Variants in STAT2 observed in about 807,000 individuals in gnomAD.
STAT2 encodes the protein interferon alpha induced transcriptional activator.
Under a neutral mutation model 122.3 loss-of-function variants are expected in STAT2, and 51 were observed. The ratio of observed to expected loss-of-function variants is 0.42; its 90% confidence interval spans 0.33 to 0.53. STAT2 has a LOEUF of 0.53. Among genes scored for constraint, STAT2 ranks in the 20% least tolerant of loss-of-function variants. STAT2 has a pLI of 0.10. For missense variants in STAT2, 736 were observed against 1,010.3 expected, an observed-to-expected ratio of 0.73 and a Z score of 3.68; for synonymous variants, 351 against 394.9, an observed-to-expected ratio of 0.89 and a Z score of 1.32.
intron 15 of STAT2, 55 bp from the exon 16 acceptor site, chr12:56,349,316 T>C: frequency 6.2e-7 from 1 of 1,614,056 alleles, no homozygotes. Flanking sequence ...GCTGCAGGTA[T>C]TTGTTAGAGG....
In STAT2 at chr12:56,343,984, C is replaced by G; in HGVS notation, c.2254G>C (p.Glu752Gln). 1 of 1,614,212 alleles carries G rather than the reference C, an allele frequency of 6.2e-7. No homozygotes were observed. The highest frequency in any genetic ancestry group is 8.5e-7 in the Non-Finnish European group (1 of 1,180,018). ...KAGLDLGPELESVLESTLEPV... is the reference protein window; with the variant it reads ...KAGLDLGPELQSVLESTLEPV... ...TCCAGAGTGGACTCCAGCACAGACT[C>G]TAGCTCTGGCCCCAGATCCAGCCCT... Residue 752 changes from glutamate to glutamine, a missense_variant, in exon 23 of 24, where the codon GAG (glutamate) becomes CAG (glutamine). By Grantham distance (29) the Glu-to-Gln change is conservative. Transcript: ENST00000314128.
chr12:56,354,515 C>T lies in STAT2; in HGVS notation c.733G>A (p.Ala245Thr), dbSNP rs372512615. ...LEEWKAQQQK[A>T]CIRAPIDHGL... ...TGGTCAATGGGAGCTCTGATGCAGG[C>T]TTTTTGCTGCTGGGCCTTCCACTCC... Residue 245 changes from alanine to threonine, a missense_variant, in exon 8 of 24, where the codon GCC (alanine) becomes ACC (threonine). Coordinates refer to ENST00000314128, the MANE Select transcript of STAT2 (RefSeq NM_005419.4). 6.2e-7 allele frequency: 1 copy of T among 1,614,174 alleles called. No homozygotes were observed. The highest frequency in any genetic ancestry group is 8.5e-7 in the Non-Finnish European group (1 of 1,180,042).
At chr12:56,347,076 C>G in intron 19 of STAT2, 121 bp from the exon 20 acceptor site, 2 of 1,431,038 alleles carry the variant, frequency 1.4e-6, no homozygotes, top group Non-Finnish European at 1.9e-6. Context: ...TTGGACCAAG[C>G]CCTGCCACTT....
intron 22 of STAT2, among the ~76,000 whole-genome samples, chr12:56,345,309 G>C (rs764229158): frequency 5.4e-5 from 8 of 149,272 alleles, no homozygotes; most frequent in Non-Finnish European, 8.9e-5. Context: ...GGGCAACACA[G>C]TGATACCCCA....
chr12:56,348,803 C>G lies in STAT2; in HGVS notation c.1578G>C (p.Gly526=). Residue 526 remains glycine, a splice_region_variant and synonymous_variant, in exon 18 of 24, where the codon GGG becomes GGC. Coordinates refer to ENST00000314128, the MANE Select transcript of STAT2 (RefSeq NM_005419.4). The stretch of plus-strand genomic sequence containing the variant: ...ATGGATCCTCAGTCCTACAGTTCTG[C>G]CCTGTGGGACAGATAGCCACAGACA... ...QLSMLRNKLF[G]QNCRTEDPLL... 1 of 1,614,156 alleles carries G rather than the reference C, an allele frequency of 6.2e-7. No homozygotes were observed. The highest frequency in any genetic ancestry group is 8.5e-7 in the Non-Finnish European group (1 of 1,180,044).
At chr12:56,347,186 A>T (rs1374092249) in intron 19 of STAT2, among the ~76,000 whole-genome samples, 2 of 151,476 alleles carry the variant, frequency 1.3e-5, no homozygotes, top group African/African-American at 4.9e-5. Flanking sequence ...ACAGATGAAC[A>T]GCACTTTTTT....
chr12:56,351,109 G>T lies in STAT2; in HGVS notation c.1023C>A (p.Thr341=). The change falls in exon 10 of 24, where the codon ACC becomes ACA. Residue 341 remains threonine, a synonymous_variant. Coordinates refer to ENST00000314128, the MANE Select transcript of STAT2 (RefSeq NM_005419.4). The part of the protein sequence containing the change: ...PLILKTGSKF[T]VRTRLLVRLQ... ...TCTGGAATGCCAACCTTGTTCGGAC[G>T]GTGAACTTGCTGCCAGTCTTGAGGA... 6.2e-6 allele frequency: 10 copies of T among 1,613,888 alleles called. No homozygotes were observed. The highest frequency in any genetic ancestry group is 8.5e-6 in the Non-Finnish European group (10 of 1,179,944).
At chr12:56,347,089 C>CT (rs528775745) in intron 19 of STAT2, 134 bp from the exon 20 acceptor site, 114 of 1,347,270 alleles carry the variant, frequency 8.5e-5, no homozygotes, top group South Asian at 2.0e-4. Context: ...TGCCACTTAG[C>CT]TTTTTTTTAT....
At chr12:56,350,947 G>C in intron 10 of STAT2, 59 bp from the exon 11 acceptor site, 2 of 1,600,190 alleles carry the variant, frequency 1.2e-6, no homozygotes, top group Admixed American at 3.3e-5. Context: ...GGATAGACTA[G>C]ATGTTTGAAA....
chr12:56,345,810 T>C (rs919241930), intron 22 of STAT2, among the ~76,000 whole-genome samples: 26 of 150,588 alleles, frequency 1.7e-4, no homozygotes, highest in African/African-American at 6.3e-4. Flanking sequence ...GCTCCATGCT[T>C]GCATCAAGTA....
intron 6 of STAT2, 108 bp from the exon 7 acceptor site, chr12:56,354,971 C>T: frequency 8.3e-7 from 1 of 1,201,372 alleles, no homozygotes; most frequent in South Asian, 1.3e-5. Context: ...GAAAGGGAAA[C>T]CAAGCAAAGC....
intron 22 of STAT2, among the ~76,000 whole-genome samples, chr12:56,345,218 C>T (rs1438865268): frequency 6.8e-6 from 1 of 146,572 alleles, no homozygotes; most frequent in Non-Finnish European, 1.5e-5. Flanking sequence ...CAGCCAAGTG[C>T]CATGGCTCAT....
At chr12:56,354,147 C>CTCCT (rs1189893118) in intron 8 of STAT2, among the ~76,000 whole-genome samples, 1 of 144,372 alleles carries the variant, frequency 6.9e-6, no homozygotes, top group Non-Finnish European at 1.5e-5. Context: ...TTTTCTCTTC[C>CTCCT]TCCTTCCTTC....
rs770804761 is a variant in STAT2 at position 56,348,581 on chromosome 12, C to T, written c.1672G>A (p.Asp558Asn). ...TCATGTACCAACTCCAGAATTTTGT[C>T]CAGCCATGTCCAGAATGGTAACTTG... is the stretch of plus-strand genomic sequence containing the variant. ...PGKLPFWTWL[D>N]KILELVHDHL... Residue 558 changes from aspartate (D) to asparagine (N), a missense_variant, in exon 19 of 24, where the codon GAC becomes AAC. Asp to Asn is a conservative substitution (Grantham distance 23). Transcript: ENST00000314128. 1 of 1,614,106 alleles carries T rather than the reference C, an allele frequency of 6.2e-7. No homozygotes were observed. The highest frequency in any genetic ancestry group is 1.1e-5 in the South Asian group (1 of 91,082).
Position 56,354,701 on chromosome 12 carries a change from G to C in STAT2, c.633+77C>G. 2.5e-6 allele frequency: 4 copies of C among 1,612,396 alleles called. No homozygotes were observed. In the South Asian group the frequency reaches 3.3e-5, roughly 13 times the overall value. On this transcript the variant is annotated intron_variant, in intron 7 of 23. Transcript: ENST00000314128. ...GGGATGAAGAAACAAAGAAGCCAGC[G>C]CTAGAGGACCAGGGTCCCCACATCC...
intron 22 of STAT2, 45 bp from the exon 23 acceptor site, chr12:56,344,180 A>G (rs370828553): frequency 3.3e-6 from 5 of 1,522,076 alleles, no homozygotes; most frequent in East Asian, 2.5e-5. Flanking sequence ...CAGTGGTTCA[A>G]ATGAAATCAG....
chr12:56,351,926 CTT>C lies in STAT2; in HGVS notation c.783-478_783-477del, dbSNP rs1471613537. Among the ~76,000 whole-genome samples the C allele has an allele frequency of 1.3e-4, 20 of 152,074 alleles. No homozygotes were observed. The East Asian group carries it at 3.9e-3, about 29-fold the overall frequency. On this transcript the variant is annotated intron_variant, in intron 8 of 23. Transcript: ENST00000314128. Reference sequence around the variant, plus strand: ...TTTTTTTTTTAGACAGTCTCACTCTCTTGTCATCCAGGCTGGAGTGCAATGGT... The same window carrying C: ...TTTTTTTTTTAGACAGTCTCACTCTCGTCATCCAGGCTGGAGTGCAATGGT...
rs1879405529 is a variant in STAT2 at position 56,355,712 on chromosome 12, T to G, written c.377A>C (p.Gln126Pro). ...KRILIQAQRA[Q>P]LEQGEPVLET... is the part of the protein sequence containing the mutation. Reference sequence around the variant, plus strand: ...TTACCACTGAATTGTCCTCACCAATTGGGCCCTCTGAGCCTGGATCAAAAT... The same window carrying G: ...TTACCACTGAATTGTCCTCACCAATGGGGCCCTCTGAGCCTGGATCAAAAT... Residue 126 changes from glutamine (Q) to proline (P), a missense_variant, in exon 4 of 24, where the codon CAA becomes CCA. By Grantham distance (76) the Gln-to-Pro change is moderately conservative. Transcript: ENST00000314128. 1 of 1,613,952 alleles carries G rather than the reference T, an allele frequency of 6.2e-7. No individual in the cohort carries two copies. The highest frequency in any genetic ancestry group is 8.5e-7 in the Non-Finnish European group (1 of 1,179,954).
chr12:56,346,455 G>A lies in STAT2; in HGVS notation c.2031C>T (p.Tyr677=). The change falls in exon 21 of 24, where the codon TAC becomes TAT. Residue 677 remains tyrosine, a synonymous_variant. Coordinates refer to ENST00000314128, the MANE Select transcript of STAT2 (RefSeq NM_005419.4). ...RIPRDEAFGC[Y]YQEKVNLQER... ...AACGATTCCCACCTTTCTCCTGGTA[G>A]TAGCACCCAAAAGCTTCATCCCGGG... The A allele has an allele frequency of 6.2e-7, 1 of 1,614,230 alleles. No individual in the cohort carries two copies.
Sources: allele counts gnomAD v4.1 joint callset (sites outside exome capture counted in the v4.1 genomes callset), GRCh38; gene constraint gnomAD v4.1.1; transcripts MANE v1.5; gene names NCBI Gene and HGNC (gene_info 2026-07-23, HGNC 2026-07-21).